Variants in SGCZ observed in about 807,000 individuals in gnomAD.
SGCZ encodes zeta-sarcoglycan.
SGCZ carries 40 observed loss-of-function variants against 41.3 expected under a neutral mutation model. The observed-to-expected ratio is 0.97, with a 90% CI of 0.75 to 1.26. SGCZ has a LOEUF of 1.26. Ranked by LOEUF, SGCZ falls within the 50% of genes most tolerant of loss-of-function variation. The pLI is 0.00. For synonymous variants in SGCZ, 206 were observed against 137.5 expected, an observed-to-expected ratio of 1.50 and a Z score of -3.49; for missense variants, 552 against 369.8, an observed-to-expected ratio of 1.49 and a Z score of -4.04.
chr8:14,758,199 GC>G (rs1371296369), intron 1 of SGCZ, among the ~76,000 whole-genome samples: 1 of 152,134 alleles, frequency 6.6e-6, no homozygotes, highest in Non-Finnish European at 1.5e-5. Flanking sequence ...AATCTCATCT[GC>G]CTGGTTTACA....
At chr8:14,600,870 A>T (rs924071633) in intron 1 of SGCZ, among the ~76,000 whole-genome samples, 1 of 151,882 alleles carries the variant, frequency 6.6e-6, no homozygotes, top group African/African-American at 2.4e-5. Flanking sequence ...CTTAGAAAAC[A>T]TTAAAATAGA....
chr8:14,269,150 A>G (rs1365134096), intron 3 of SGCZ, among the ~76,000 whole-genome samples: 1 of 152,150 alleles, frequency 6.6e-6, no homozygotes, highest in Non-Finnish European at 1.5e-5. Context: ...TTTGGGAATT[A>G]GTCTGCATTA....
At chr8:14,458,316 G>A (rs573470882) in intron 2 of SGCZ, among the ~76,000 whole-genome samples, 9 of 152,270 alleles carry the variant, frequency 5.9e-5, no homozygotes, top group East Asian at 3.9e-4. Context: ...ACTTCAGGAA[G>A]CAGTACTTTT....
At chr8:14,399,531 AG>A (rs1166297375) in intron 2 of SGCZ, among the ~76,000 whole-genome samples, 2 of 152,114 alleles carry the variant, frequency 1.3e-5, no homozygotes, top group Admixed American at 6.6e-5. Flanking sequence ...AAGAAAAAAA[AG>A]TCCCAGTCTT....
At chr8:14,239,140 T>C (rs886750489) in intron 3 of SGCZ, among the ~76,000 whole-genome samples, 5 of 151,978 alleles carry the variant, frequency 3.3e-5, no homozygotes, top group Non-Finnish European at 5.9e-5. Flanking sequence ...CCAAATTCTG[T>C]TTAAAGTATA....
chr8:14,623,905 C>A (rs565147041), intron 1 of SGCZ, among the ~76,000 whole-genome samples: 6 of 152,264 alleles, frequency 3.9e-5, no homozygotes, highest in African/African-American at 1.4e-4. Flanking sequence ...CACTTCTGGA[C>A]TTTTCTGTGA....
At chr8:14,440,808 T>TATATACATAC (rs1800236666) in intron 2 of SGCZ, among the ~76,000 whole-genome samples, 1 of 131,454 alleles carries the variant, frequency 7.6e-6, no homozygotes, top group African/African-American at 2.8e-5. Context: ...TGTATATATG[T>TATATACATAC]GTATACACAT....
At chr8:14,297,452 T>C in intron 3 of SGCZ, among the ~76,000 whole-genome samples, 1 of 151,436 alleles carries the variant, frequency 6.6e-6, no homozygotes. Flanking sequence ...GGGAAAAGTA[T>C]CAAAAACAGA....
intron 3 of SGCZ, among the ~76,000 whole-genome samples, chr8:14,321,171 A>T (rs1353858952): frequency 6.6e-6 from 1 of 152,110 alleles, no homozygotes; most frequent in Non-Finnish European, 1.5e-5. Flanking sequence ...TTATATATTT[A>T]ACTTCACAAA....
At chr8:14,660,587 A>AAAAG (rs1177990367) in intron 1 of SGCZ, among the ~76,000 whole-genome samples, 3 of 151,282 alleles carry the variant, frequency 2.0e-5, no homozygotes, top group African/African-American at 7.3e-5. Context: ...AAAAAAAAAA[A>AAAAG]AAAGAGAGAA....
chr8:14,658,841 A>G (rs1420446297), intron 1 of SGCZ, among the ~76,000 whole-genome samples: 2 of 152,066 alleles, frequency 1.3e-5, no homozygotes, highest in African/African-American at 4.8e-5. Flanking sequence ...CAGATGCTTA[A>G]TAAACATGAA....
intron 5 of SGCZ, among the ~76,000 whole-genome samples, chr8:14,148,459 T>A (rs1476381450): frequency 2.0e-5 from 3 of 151,842 alleles, no homozygotes; most frequent in Non-Finnish European, 4.4e-5. Context: ...TCTAGACACA[T>A]ACCATCTCCA....
intron 1 of SGCZ, among the ~76,000 whole-genome samples, chr8:15,005,014 A>G (rs1409061485): frequency 6.6e-6 from 1 of 152,152 alleles, no homozygotes; most frequent in Non-Finnish European, 1.5e-5. Flanking sequence ...TGCAGTGGTC[A>G]GGTTGAAAAC....
intron 1 of SGCZ, among the ~76,000 whole-genome samples, chr8:14,720,837 T>G (rs889260749): frequency 6.6e-6 from 1 of 152,126 alleles, no homozygotes; most frequent in African/African-American, 2.4e-5. Context: ...GTTTACATAT[T>G]ATGTACCAAT....
At position 14,090,464 on chromosome 8, in the gene SGCZ, G is replaced by A. The variant is rs1801652276; in HGVS notation, c.918C>T (p.Ser306=). The part of the protein sequence containing the change: ...AGVGSTCQSS[S]NICLWS Reference sequence around the variant, plus strand: ...CACTTCAGCTCCACAGGCAGATGTTGCTACTGGACTGACAAGTGGAACCTA... The same window carrying A: ...CACTTCAGCTCCACAGGCAGATGTTACTACTGGACTGACAAGTGGAACCTA... Residue 306 remains serine (S), a synonymous_variant, in exon 8 of 8, where the codon AGC becomes AGT. Coordinates refer to ENST00000382080, the MANE Select transcript of SGCZ (RefSeq NM_139167.4). 6.2e-7 allele frequency: 1 copy of A among 1,612,452 alleles called. No homozygotes were observed. The highest frequency in any genetic ancestry group is 8.5e-7 in the Non-Finnish European group (1 of 1,179,100).
intron 1 of SGCZ, among the ~76,000 whole-genome samples, chr8:15,132,368 A>G (rs1229418580): frequency 6.6e-6 from 1 of 152,144 alleles, no homozygotes. Flanking sequence ...TCATCAGACT[A>G]TGGAGTCTAA....
At chr8:15,053,487 C>A (rs1192153569) in intron 1 of SGCZ, among the ~76,000 whole-genome samples, 1 of 152,092 alleles carries the variant, frequency 6.6e-6, no homozygotes, top group African/African-American at 2.4e-5. Flanking sequence ...TCCTGTGCAT[C>A]CAATGTGAAT....
chr8:15,160,980 T>C (rs1048902068), intron 1 of SGCZ, among the ~76,000 whole-genome samples: 1 of 151,992 alleles, frequency 6.6e-6, no homozygotes, highest in Non-Finnish European at 1.5e-5. Context: ...CCTGGGCTCC[T>C]GGGATCAAGC....
rs73213569 is a variant in SGCZ, at chr8:14,154,543, A to T, written c.547+10037T>A. On this transcript the variant is annotated intron_variant, in intron 5 of 7. Coordinates refer to ENST00000382080, the MANE Select transcript of SGCZ (RefSeq NM_139167.4). ...GTGGTTTATTAATAATTTTGTTGCA[A>T]ATTTTATTTTTGTTTGAAACAATTT... Among the ~76,000 whole-genome samples, 279 of 152,256 alleles carry T rather than the reference A, an allele frequency of 1.8e-3. 1 individual carries two copies. The highest frequency in any genetic ancestry group is 3.7e-3 in the South Asian group (18 of 4,830).
Sources: gnomAD v4.1 joint callset for allele counts (sites outside exome capture counted in the v4.1 genomes callset) on GRCh38, gnomAD v4.1.1 for gene constraint, MANE v1.5 for transcripts, NCBI Gene and HGNC (gene_info 2026-07-23, HGNC 2026-07-21) for gene names.